Variants in ZBTB34 observed in about 807,000 individuals in gnomAD.
ZBTB34 encodes zinc finger and BTB domain containing 34.
A neutral mutation model predicts 33.4 loss-of-function variants in ZBTB34; 1 was observed. That is an observed-to-expected ratio of 0.03 (90% CI 0.01 to 0.14). The LOEUF is 0.14. ZBTB34 is among the 10% of genes least tolerant of loss of function. ZBTB34 has a pLI of 1.00. For missense variants in ZBTB34, 406 were observed against 657.2 expected, an observed-to-expected ratio of 0.62 and a Z score of 4.18; for synonymous variants, 283 against 253.5, an observed-to-expected ratio of 1.12 and a Z score of -1.11.
chr9:126,861,804 T>C (rs1480717122), intron 1 of ZBTB34, among the ~76,000 whole-genome samples: 3 of 152,204 alleles, frequency 2.0e-5, no homozygotes, highest in African/African-American at 7.2e-5. Flanking sequence ...CCTCTTTGCT[T>C]CACATCTGGA....
intron 1 of ZBTB34, among the ~76,000 whole-genome samples, chr9:126,878,823 A>G (rs771686203): frequency 6.6e-6 from 1 of 151,332 alleles, no homozygotes; most frequent in Non-Finnish European, 1.5e-5. Flanking sequence ...TTCTGAGGTC[A>G]AGCGATTCCC....
chr9:126,880,084 T>A lies in ZBTB34; in HGVS notation c.685T>A (p.Leu229Met), dbSNP rs1244838422. The A allele has an allele frequency of 6.2e-7, 1 of 1,613,666 alleles. No homozygotes were observed. The highest frequency in any genetic ancestry group is 8.5e-7 in the Non-Finnish European group (1 of 1,179,864). Residue 229 changes from leucine to methionine, a missense_variant, in exon 2 of 2, where the codon TTG becomes ATG. Physicochemically the swap from Leu to Met is conservative, Grantham distance 15. Transcript: ENST00000319119. This position sits in a 1 kb window ranked among gnomAD's most constrained non-coding sequence, Gnocchi z 6.7. ...GGGAGACCATGAGCAAGGAGACCTA[T>A]TGGTGAGGGAGAGCCAGATCACCGA... is the stretch of plus-strand genomic sequence containing the variant.
At chr9:126,871,625 T>G (rs2033280841) in intron 1 of ZBTB34, among the ~76,000 whole-genome samples, 1 of 152,012 alleles carries the variant, frequency 6.6e-6, no homozygotes, top group African/African-American at 2.4e-5. Context: ...GATTTTAAGC[T>G]ATATTAAATA....
chr9:126,865,407 A>C (rs928942745), intron 1 of ZBTB34, among the ~76,000 whole-genome samples: 1 of 152,252 alleles, frequency 6.6e-6, no homozygotes, highest in African/African-American at 2.4e-5. Context: ...AGCAGTGAGG[A>C]GTCTCACAGA....
In ZBTB34 at chr9:126,863,778, C is replaced by T. The variant is rs118134325; in HGVS notation, c.-11+3039C>T. The T allele has an allele frequency of 3.3e-6, 3 of 920,232 alleles. No individual in the cohort carries two copies. In the South Asian group the frequency reaches 1.5e-4, roughly 46 times the overall value. The allele number at this position is 920,232 out of a possible 1,614,324, so 57.0% of individuals were successfully genotyped here. On this transcript the variant is annotated intron_variant, in intron 1 of 1. Transcript: ENST00000319119. Reference sequence around the variant, plus strand: ...AATGTATTTTCCAGGGCCAGTGCCCCTGAAATGCTAGCCAGCAGTAAGCAG... The same window carrying T: ...AATGTATTTTCCAGGGCCAGTGCCCTTGAAATGCTAGCCAGCAGTAAGCAG...
chr9:126,871,191 G>A (rs1021114141), intron 1 of ZBTB34, among the ~76,000 whole-genome samples: 1 of 149,386 alleles, frequency 6.7e-6, no homozygotes, highest in African/African-American at 2.4e-5. Flanking sequence ...GGGTGTGTGT[G>A]TGTGTGTGTG....
intron 1 of ZBTB34, among the ~76,000 whole-genome samples, chr9:126,866,069 G>A (rs2033196550): frequency 6.6e-6 from 1 of 152,052 alleles, no homozygotes; most frequent in Non-Finnish European, 1.5e-5. Context: ...CAGGTGCTGT[G>A]TTTCCATTCC....
At position 126,862,243 on chromosome 9, in the gene ZBTB34, G is replaced by A. The variant is rs1339531793; in HGVS notation, c.-11+1504G>A. On this transcript the variant is annotated intron_variant, in intron 1 of 1. Transcript: ENST00000319119. ...GTGAATAGACCAGTCTCCTGGCAGA[G>A]AAGGGTTCATATAGGAGGGAAGTAG... Among the ~76,000 whole-genome samples the A allele has an allele frequency of 2.0e-5, 3 of 152,164 alleles. No homozygotes were observed. The East Asian group carries it at 5.8e-4, about 29-fold the overall frequency.
At chr9:126,875,226 A>C (rs1219472507) in intron 1 of ZBTB34, among the ~76,000 whole-genome samples, 3 of 152,228 alleles carry the variant, frequency 2.0e-5, no homozygotes, top group Non-Finnish European at 4.4e-5. Flanking sequence ...TACATGCTGC[A>C]GTGATGTATT....
intron 1 of ZBTB34, among the ~76,000 whole-genome samples, chr9:126,866,289 C>T (rs531083553): frequency 6.6e-6 from 1 of 152,278 alleles, no homozygotes; most frequent in South Asian, 2.1e-4. Context: ...CCTGGCTGAG[C>T]TACGTGGCCT....
chr9:126,871,177 AGG>A (rs10555630), intron 1 of ZBTB34, among the ~76,000 whole-genome samples: 40,534 of 145,442 alleles, frequency 0.28, 5,858 homozygotes, highest in African/African-American at 0.36. Context: ...GATGTAAGTG[AGG>A]GGGGTGTGTG....
chr9:126,877,543 G>C (rs137876614), intron 1 of ZBTB34, among the ~76,000 whole-genome samples: 1 of 152,142 alleles, frequency 6.6e-6, no homozygotes, highest in Non-Finnish European at 1.5e-5. Flanking sequence ...ATGGAGCCGG[G>C]GCTATATATA....
At chr9:126,883,426 T>C (rs2033473414) in exon 2 of ZBTB34, 1 of 167,138 alleles carries the variant, frequency 6.0e-6, no homozygotes. Flanking sequence ...CTTGGCATTG[T>C]CCGTCTTAAC....
chr9:126,862,806 C>T (rs959856462), intron 1 of ZBTB34, among the ~76,000 whole-genome samples: 29 of 152,090 alleles, frequency 1.9e-4, no homozygotes, highest in African/African-American at 6.8e-4. Context: ...TAATACTCCT[C>T]TCGGAGACCT....
chr9:126,862,814 C>G (rs1450034384), intron 1 of ZBTB34, among the ~76,000 whole-genome samples: 1 of 152,010 alleles, frequency 6.6e-6, no homozygotes, highest in Non-Finnish European at 1.5e-5. Flanking sequence ...CTCTCGGAGA[C>G]CTTATAGTAT....
At chr9:126,869,879 T>TA (rs1444858218) in intron 1 of ZBTB34, among the ~76,000 whole-genome samples, 7 of 152,300 alleles carry the variant, frequency 4.6e-5, no homozygotes, top group Admixed American at 1.3e-4. Flanking sequence ...ATTTTGAACT[T>TA]ACCAAAAAAC....
Position 126,879,278 on chromosome 9 carries a change from A to G in ZBTB34, c.-10-112A>G. ...ACAAGGGGAAGAATGCTTCAGGTAGATTTTAGGAGGTATGATAGCCACAAT... is the reference window on the plus strand; with the variant it reads ...ACAAGGGGAAGAATGCTTCAGGTAGGTTTTAGGAGGTATGATAGCCACAAT... On this transcript the variant is annotated intron_variant, in intron 1 of 1. Coordinates refer to ENST00000319119, the Ensembl canonical transcript of ZBTB34. The surrounding 1 kb of genome is among the most constrained non-coding windows in gnomAD (Gnocchi z 6.4). 1 of 875,044 alleles carries G rather than the reference A, an allele frequency of 1.1e-6. No individual in the cohort carries two copies. Among genetic ancestry groups the G allele is most frequent in the Non-Finnish European group, 1.7e-6 (1 of 576,704 alleles). The allele number at this position is 875,044 out of a possible 1,614,324, so 54.2% of individuals were successfully genotyped here.
intron 1 of ZBTB34, among the ~76,000 whole-genome samples, chr9:126,874,342 G>A (rs1358495497): frequency 6.6e-6 from 1 of 151,822 alleles, no homozygotes; most frequent in East Asian, 1.9e-4. Flanking sequence ...GAGCCACCAC[G>A]CCCGGCCTCT....
intron 1 of ZBTB34, among the ~76,000 whole-genome samples, chr9:126,861,262 C>T (rs911879061): frequency 2.0e-5 from 3 of 152,214 alleles, no homozygotes; most frequent in Admixed American, 6.5e-5. Flanking sequence ...CGACGGGTTG[C>T]GCTTGGCCCC....
Sources: allele counts gnomAD v4.1 joint callset (sites outside exome capture counted in the v4.1 genomes callset), GRCh38; gene constraint gnomAD v4.1.1; non-coding constraint Gnocchi (gnomAD v3.1); transcripts MANE v1.5; gene names NCBI Gene and HGNC (gene_info 2026-07-23, HGNC 2026-07-21).